The following ATXN1 variants were observed in gnomAD, a reference collection of about 807,000 sequenced individuals.
ATXN1 encodes ataxin-1.
A neutral mutation model predicts 56.4 loss-of-function variants in ATXN1; 8 were observed. The observed-to-expected ratio is 0.14, with a 90% CI of 0.08 to 0.26. ATXN1 has a LOEUF of 0.26. Ranked by LOEUF, ATXN1 falls within the 10% of genes least tolerant of loss-of-function variation. The pLI, the probability that ATXN1 is intolerant of heterozygous loss-of-function variation, is 1.00. For synonymous variants in ATXN1, 514 were observed against 494.6 expected, an observed-to-expected ratio of 1.04 and a Z score of -0.52; for missense variants, 987 against 1,106.5, an observed-to-expected ratio of 0.89 and a Z score of 1.53.
At chr6:16,629,616 T>A (rs917303920) in intron 3 of ATXN1, among the ~76,000 whole-genome samples, 2 of 152,066 alleles carry the variant, frequency 1.3e-5, no homozygotes, top group Non-Finnish European at 2.9e-5. Context: ...ATAACCTTTT[T>A]AAAAATATAT....
chr6:16,478,964 T>A (rs1760381763), intron 6 of ATXN1, among the ~76,000 whole-genome samples: 1 of 152,164 alleles, frequency 6.6e-6, no homozygotes, highest in South Asian at 2.1e-4. Context: ...GCAGGTCACC[T>A]CCCAGTGCCA....
intron 3 of ATXN1, among the ~76,000 whole-genome samples, chr6:16,609,942 T>A (rs1273105509): frequency 1.3e-5 from 2 of 151,910 alleles, no homozygotes; most frequent in African/African-American, 4.8e-5. Context: ...CAAAAAAAAA[T>A]TAGGATTTTT....
intron 2 of ATXN1, among the ~76,000 whole-genome samples, chr6:16,664,394 C>T (rs1391324304): frequency 6.6e-6 from 1 of 151,740 alleles, no homozygotes. Context: ...TTTTTGTTAA[C>T]GGAAAGAGGG....
intron 4 of ATXN1, among the ~76,000 whole-genome samples, chr6:16,581,216 TGTGTGTGTGC>T (rs1341550932): frequency 1.4e-4 from 19 of 134,916 alleles, no homozygotes; most frequent in Non-Finnish European, 1.9e-4. Context: ...TGTGTGTGTG[TGTGTGTGTGC>T]GCGCGTGTGT....
intron 6 of ATXN1, among the ~76,000 whole-genome samples, chr6:16,433,591 C>A (rs149735716): frequency 1.3e-3 from 192 of 152,268 alleles, no homozygotes; most frequent in African/African-American, 4.0e-3. Flanking sequence ...GTTTTAATGC[C>A]GTTGGGGCTA....
intron 5 of ATXN1, among the ~76,000 whole-genome samples, chr6:16,509,206 G>A (rs1761034194): frequency 6.6e-6 from 1 of 152,100 alleles, no homozygotes; most frequent in South Asian, 2.1e-4. Flanking sequence ...ATACTATCAG[G>A]CTGTATCTTG....
At chr6:16,548,638 A>T (rs969084785) in intron 4 of ATXN1, among the ~76,000 whole-genome samples, 1 of 152,068 alleles carries the variant, frequency 6.6e-6, no homozygotes, top group East Asian at 1.9e-4. Context: ...TTAAAACAAT[A>T]CTAAGGCAGG....
chr6:16,345,076 C>T (rs1761347782), intron 6 of ATXN1, among the ~76,000 whole-genome samples: 1 of 152,116 alleles, frequency 6.6e-6, no homozygotes, highest in Admixed American at 6.5e-5. Flanking sequence ...GTTTGTCTTC[C>T]TTACAAGCTG....
intron 4 of ATXN1, among the ~76,000 whole-genome samples, chr6:16,552,769 G>C (rs756710560): frequency 2.0e-5 from 3 of 152,184 alleles, no homozygotes; most frequent in Non-Finnish European, 4.4e-5. Context: ...GTATCACCTT[G>C]AAGTCTGTTT....
In ATXN1 at chr6:16,472,091, A is replaced by C. The variant is rs1006556712; in HGVS notation, c.-161+13881T>G. On this transcript the variant is annotated intron_variant, in intron 6 of 7. Transcript: ENST00000436367. ...GGTTACAGCGCTTAAGGTAACATAC[A>C]AAGTGCAGATGAGTAAGAAAAGAAC... Among the ~76,000 whole-genome samples the C allele has an allele frequency of 4.6e-5, 7 of 152,220 alleles. No homozygotes were observed. The East Asian group carries it at 9.6e-4, about 21-fold the overall frequency.
intron 3 of ATXN1, among the ~76,000 whole-genome samples, chr6:16,591,889 T>C (rs1182492735): frequency 1.3e-5 from 2 of 152,148 alleles, no homozygotes; most frequent in African/African-American, 4.8e-5. Flanking sequence ...GAAATGAAAC[T>C]CTTAGCGTTT....
At chr6:16,418,732 C>T (rs1758969260) in intron 6 of ATXN1, among the ~76,000 whole-genome samples, 1 of 112,796 alleles carries the variant, frequency 8.9e-6, no homozygotes, top group South Asian at 3.2e-4. Context: ...CACCCCACAA[C>T]AGTCCCCAGA....
rs1763317035 is a variant in ATXN1, at chr6:16,621,391, A to G, written c.-488-35484T>C. 2.0e-5 allele frequency among the ~76,000 whole-genome samples: 3 copies of G among 152,188 alleles called. No homozygotes were observed. In the South Asian group the frequency reaches 6.2e-4, roughly 32 times the overall value. On this transcript the variant is annotated intron_variant, in intron 3 of 7. Transcript: ENST00000436367. Reference sequence around the variant, plus strand: ...ATATGCAAAACAGAAATAGCCCTAAAAGGAGACACAACTATTTATCAAAAA... The same window carrying G: ...ATATGCAAAACAGAAATAGCCCTAAGAGGAGACACAACTATTTATCAAAAA...
At chr6:16,376,745 T>C (rs1005759833) in intron 6 of ATXN1, among the ~76,000 whole-genome samples, 1 of 152,222 alleles carries the variant, frequency 6.6e-6, no homozygotes, top group African/African-American at 2.4e-5. Flanking sequence ...TTTCTGACAC[T>C]TGAATAGTTG....
chr6:16,751,695 C>T (rs72827835), intron 2 of ATXN1, among the ~76,000 whole-genome samples: 4,749 of 152,232 alleles, frequency 0.031, 113 homozygotes, highest in East Asian at 0.12. Flanking sequence ...TTTGCAGAGC[C>T]GTAGATGTCT....
chr6:16,746,058 T>C (rs1424568096), intron 2 of ATXN1, among the ~76,000 whole-genome samples: 1 of 151,784 alleles, frequency 6.6e-6, no homozygotes, highest in Non-Finnish European at 1.5e-5. Context: ...ATTCTGTGAG[T>C]TAGGTGATAT....
At chr6:16,307,901 C>T (rs1760292651) in intron 7 of ATXN1, among the ~76,000 whole-genome samples, 1 of 152,184 alleles carries the variant, frequency 6.6e-6, no homozygotes, top group Non-Finnish European at 1.5e-5. Flanking sequence ...TGCCTGTAAT[C>T]CCAGCACTTT....
At chr6:16,485,624 G>A (rs1214221362) in intron 6 of ATXN1, 1 of 152,036 alleles carries the variant, frequency 6.6e-6, no homozygotes, top group East Asian at 1.9e-4. Context: ...TAAAAGAACT[G>A]CAACAGCCCA....
intron 6 of ATXN1, among the ~76,000 whole-genome samples, chr6:16,459,981 CT>C (rs1185671248): frequency 1.3e-5 from 2 of 152,296 alleles, no homozygotes; most frequent in African/African-American, 4.8e-5. Context: ...AACCAGGGCC[CT>C]CAGCAAAGAA....
Sources: allele counts gnomAD v4.1 joint callset (sites outside exome capture counted in the v4.1 genomes callset), GRCh38; gene constraint gnomAD v4.1.1; transcripts MANE v1.5; gene names NCBI Gene and HGNC (gene_info 2026-07-23, HGNC 2026-07-21).